WDR70: variants seen among roughly 807,000 people sequenced by gnomAD.
WDR70 encodes WD repeat-containing protein 70.
WDR70 carries 53 observed loss-of-function variants against 88.6 expected under a neutral mutation model. The observed-to-expected ratio is 0.60, with a 90% confidence interval of 0.48 to 0.75. The LOEUF (loss-of-function observed/expected upper bound fraction) is 0.75. Ranked by LOEUF, WDR70 falls within the 30% of genes least tolerant of loss-of-function variation. The pLI is 0.00. For synonymous variants in WDR70, 280 were observed against 270.0 expected (o/e 1.04, Z -0.36); for missense variants, 610 against 823.2 (o/e 0.74, Z 3.17).
chr5:37,408,219 C>T (rs4869503), intron 5 of WDR70, among the ~76,000 whole-genome samples: 74,526 of 151,826 alleles, frequency 0.49, 20,819 homozygotes, highest in Non-Finnish European at 0.62. Context: ...TGCCTGTAAT[C>T]CCAGCACTTT....
At chr5:37,392,982 A>G (rs1175522441) in intron 4 of WDR70, among the ~76,000 whole-genome samples, 2 of 151,636 alleles carry the variant, frequency 1.3e-5, no homozygotes, top group Non-Finnish European at 2.9e-5. Flanking sequence ...ACAATGGCCT[A>G]ACACATTGAT....
At chr5:37,634,414 CAG>C (rs750417192) in intron 10 of WDR70, among the ~76,000 whole-genome samples, 22 of 151,794 alleles carry the variant, frequency 1.4e-4, no homozygotes, top group Non-Finnish European at 2.9e-5. Flanking sequence ...GTTACAAAAA[CAG>C]TGGATAGATT....
chr5:37,626,172 C>T (rs1744660366), intron 10 of WDR70, among the ~76,000 whole-genome samples: 1 of 152,032 alleles, frequency 6.6e-6, no homozygotes, highest in Non-Finnish European at 1.5e-5. Flanking sequence ...AATAAGAATA[C>T]TGAGATTGGG....
At chr5:37,697,789 T>C (rs1172256895) in intron 11 of WDR70, 35 bp downstream of exon 11, 3 of 1,529,736 alleles carry the variant, frequency 2.0e-6, no homozygotes, top group Admixed American at 1.7e-5. Flanking sequence ...TGTATTTCTC[T>C]ATATAAAATA....
intron 9 of WDR70, among the ~76,000 whole-genome samples, chr5:37,530,398 G>A (rs1741445046): frequency 6.6e-6 from 1 of 151,926 alleles, no homozygotes; most frequent in South Asian, 2.1e-4. Context: ...TTCTTTGAAT[G>A]TCTGATAGAA....
intron 17 of WDR70, among the ~76,000 whole-genome samples, chr5:37,734,781 C>G (rs1305317701): frequency 6.6e-6 from 1 of 152,026 alleles, no homozygotes; most frequent in Non-Finnish European, 1.5e-5. Context: ...CACAAGAGGC[C>G]TTTACTGAAT....
intron 5 of WDR70, among the ~76,000 whole-genome samples, chr5:37,411,844 A>G (rs1003090621): frequency 6.6e-6 from 1 of 152,126 alleles, no homozygotes; most frequent in Non-Finnish European, 1.5e-5. Context: ...TGTTTCTTAT[A>G]TGTATTTTAC....
At chr5:37,480,970 G>A (rs927239183) in intron 8 of WDR70, among the ~76,000 whole-genome samples, 4 of 152,168 alleles carry the variant, frequency 2.6e-5, no homozygotes, top group Non-Finnish European at 5.9e-5. Context: ...TGGCCAAAGC[G>A]AAAGAGCTAC....
intron 10 of WDR70, among the ~76,000 whole-genome samples, chr5:37,650,845 G>A (rs1205262892): frequency 1.3e-5 from 2 of 152,022 alleles, no homozygotes; most frequent in African/African-American, 4.8e-5. Context: ...AGGAGGAAAA[G>A]AAACTGTTCT....
intron 7 of WDR70, among the ~76,000 whole-genome samples, chr5:37,444,043 G>A (rs993347787): frequency 2.0e-5 from 3 of 151,770 alleles, no homozygotes; most frequent in African/African-American, 7.2e-5. Flanking sequence ...CAGCTACTTC[G>A]GAGGCTGAGG....
chr5:37,565,177 G>A (rs1343068058), intron 9 of WDR70, among the ~76,000 whole-genome samples: 1 of 152,058 alleles, frequency 6.6e-6, no homozygotes, highest in Non-Finnish European at 1.5e-5. Flanking sequence ...GAATAAGAAG[G>A]AACTGTTAAT....
At chr5:37,499,342 G>A (rs952625256) in intron 8 of WDR70, among the ~76,000 whole-genome samples, 1 of 151,824 alleles carries the variant, frequency 6.6e-6, no homozygotes, top group African/African-American at 2.4e-5. Flanking sequence ...TCGAACTCCT[G>A]ACCTCAAGTG....
chr5:37,601,140 G>A (rs139157580), intron 9 of WDR70, among the ~76,000 whole-genome samples: 3 of 152,300 alleles, frequency 2.0e-5, no homozygotes, highest in African/African-American at 7.2e-5. Context: ...GCACTGTTGA[G>A]TATGATGTTA....
intron 7 of WDR70, among the ~76,000 whole-genome samples, chr5:37,447,988 A>G (rs1738555666): frequency 1.3e-5 from 2 of 152,278 alleles, no homozygotes; most frequent in South Asian, 4.1e-4. Flanking sequence ...TTATTTGGTT[A>G]CCCTGAAATA....
intron 9 of WDR70, among the ~76,000 whole-genome samples, chr5:37,560,377 C>T (rs560553251): frequency 2.3e-4 from 35 of 152,120 alleles, no homozygotes; most frequent in African/African-American, 8.2e-4. Flanking sequence ...TCATCTAGTT[C>T]AGCTCCTTCT....
chr5:37,639,193 A>C (rs1348828443), intron 10 of WDR70, among the ~76,000 whole-genome samples: 2 of 152,246 alleles, frequency 1.3e-5, no homozygotes, highest in Non-Finnish European at 2.9e-5. Flanking sequence ...TTATAACAAT[A>C]TGATGGAAAA....
chr5:37,737,482 A>G (rs958132516), intron 17 of WDR70, among the ~76,000 whole-genome samples: 1 of 152,188 alleles, frequency 6.6e-6, no homozygotes, highest in Non-Finnish European at 1.5e-5. Context: ...CAGAGGGAAC[A>G]CTGGACTAAG....
At chr5:37,562,826 A>G (rs1581395491) in intron 9 of WDR70, among the ~76,000 whole-genome samples, 1 of 151,876 alleles carries the variant, frequency 6.6e-6, no homozygotes, top group South Asian at 2.1e-4. Context: ...GAACAAAATG[A>G]AAAGTCTCCC....
chr5:37,604,300 T>G (rs1242319591), intron 9 of WDR70, among the ~76,000 whole-genome samples: 2 of 152,238 alleles, frequency 1.3e-5, no homozygotes, highest in Non-Finnish European at 2.9e-5. Context: ...GACAATTAGT[T>G]TTTTCTTTTA....
Sources: gnomAD v4.1 joint callset for allele counts (sites outside exome capture counted in the v4.1 genomes callset) on GRCh38, gnomAD v4.1.1 for gene constraint, MANE v1.5 for transcripts, NCBI Gene and HGNC (gene_info 2026-07-23, HGNC 2026-07-21) for gene names.